The following LDAH variants were observed in gnomAD, a reference collection of about 807,000 sequenced individuals.
LDAH encodes lipid droplet associated hydrolase, also known as lipid droplet-associated hydrolase.
A neutral mutation model predicts 29.6 loss-of-function variants in LDAH; 26 were observed. The observed-to-expected ratio is 0.88, with a 90% confidence interval of 0.64 to 1.22. LDAH has a LOEUF of 1.22. LDAH is among the 50% of genes most tolerant of loss of function. The pLI is 0.00. For missense variants in LDAH, 344 were observed against 387.3 expected (o/e 0.89, Z 0.94); for synonymous variants, 117 against 133.0 (o/e 0.88, Z 0.83).
At chr2:20,797,516 T>C (rs1004526979) in intron 2 of LDAH, among the ~76,000 whole-genome samples, 1 of 152,166 alleles carries the variant, frequency 6.6e-6, no homozygotes, top group African/African-American at 2.4e-5. Context: ...TCCTCTGTTT[T>C]GCCCGAGACT....
chr2:20,795,979 AC>A (rs1219979595), intron 2 of LDAH, among the ~76,000 whole-genome samples: 32 of 150,662 alleles, frequency 2.1e-4, no homozygotes, highest in African/African-American at 7.1e-4. Flanking sequence ...ACACACACAC[AC>A]ACACAAAATA....
At position 20,698,337 on chromosome 2, in the gene LDAH, A is replaced by C. The variant is rs1399798612; in HGVS notation, c.786+3233T>G. Among the ~76,000 whole-genome samples, 1 of 152,236 alleles carries C rather than the reference A, an allele frequency of 6.6e-6. No homozygotes were observed. Among genetic ancestry groups the C allele is most frequent in the Non-Finnish European group, 1.5e-5 (1 of 68,038 alleles). On this transcript the variant is annotated intron_variant, in intron 6 of 6. Transcript: ENST00000237822. This position sits in a 1 kb window ranked among gnomAD's most constrained non-coding sequence, Gnocchi z 4.4. ...TAGGGAGTAACATCTAACCAAAACC[A>C]AGGACTGGGAAGGCCTCTTGGGGAT...
At chr2:20,709,836 G>A (rs530607425) in intron 5 of LDAH, among the ~76,000 whole-genome samples, 8 of 152,214 alleles carry the variant, frequency 5.3e-5, no homozygotes, top group African/African-American at 1.7e-4. Context: ...ATGAAGCACT[G>A]GCACATGCTA....
chr2:20,754,331 A>G (rs1457087924), intron 4 of LDAH, among the ~76,000 whole-genome samples: 4 of 151,688 alleles, frequency 2.6e-5, no homozygotes, highest in African/African-American at 9.7e-5. Context: ...TACTAAAAAA[A>G]TAAAAAAAAA....
intron 4 of LDAH, among the ~76,000 whole-genome samples, chr2:20,763,662 C>T (rs1668835916): frequency 6.6e-6 from 1 of 152,230 alleles, no homozygotes; most frequent in South Asian, 2.1e-4. Flanking sequence ...CACTTAACTT[C>T]ATTTGCCCCA....
At chr2:20,720,850 T>C (rs887030586) in intron 5 of LDAH, among the ~76,000 whole-genome samples, 8 of 152,098 alleles carry the variant, frequency 5.3e-5, no homozygotes, top group Non-Finnish European at 1.2e-4. Context: ...AGCCAACTTG[T>C]TTTCAACAAA....
chr2:20,801,516 T>C lies in LDAH; in HGVS notation c.-2-51A>G, dbSNP rs1231082329. 2.0e-6 allele frequency: 3 copies of C among 1,514,194 alleles called. No individual in the cohort carries two copies. In the East Asian group the frequency reaches 6.8e-5, roughly 34 times the overall value. The allele number at this position is 1,514,194 out of a possible 1,614,324, so 93.8% of individuals were successfully genotyped here. On this transcript the variant is annotated intron_variant, in intron 1 of 6. Transcript: ENST00000237822. ...GAAGAGTCAGTAAAATGTAAAACCT[T>C]GAGCCAAAGACAAAATTCAAGAATA...
chr2:20,764,689 A>G (rs1360880648), intron 4 of LDAH, among the ~76,000 whole-genome samples: 1 of 152,228 alleles, frequency 6.6e-6, no homozygotes, highest in Admixed American at 6.5e-5. Context: ...AGAAATCTTA[A>G]GTTTAGGCCA....
intron 4 of LDAH, among the ~76,000 whole-genome samples, chr2:20,755,374 C>G (rs936177095): frequency 6.6e-6 from 1 of 152,138 alleles, no homozygotes; most frequent in African/African-American, 2.4e-5. Context: ...TTATCTTGCT[C>G]CACTCTTTAT....
In LDAH at chr2:20,708,443, T is replaced by C. The variant is rs931779674; in HGVS notation, c.704-6791A>G. On this transcript the variant is annotated intron_variant, in intron 5 of 6. Coordinates refer to ENST00000237822, the MANE Select transcript of LDAH (RefSeq NM_021925.4). ...TAATATTTATAGAAGTACAAAAATA[T>C]CCAGCATCTGACAAGGTAAAATTCA... Among the ~76,000 whole-genome samples the C allele has an allele frequency of 2.0e-5, 3 of 152,210 alleles. 1 individual carries two copies. Among genetic ancestry groups the C allele is most frequent in the African/African-American group, 7.2e-5 (3 of 41,518 alleles).
intron 4 of LDAH, among the ~76,000 whole-genome samples, chr2:20,767,330 T>C (rs933291070): frequency 2.6e-5 from 4 of 152,114 alleles, no homozygotes; most frequent in African/African-American, 9.7e-5. Context: ...AGAGGCCTGC[T>C]CCACTCCATG....
chr2:20,812,163 A>T (rs1422925128), intron 1 of LDAH, among the ~76,000 whole-genome samples: 1 of 152,260 alleles, frequency 6.6e-6, no homozygotes, highest in Non-Finnish European at 1.5e-5. Context: ...AGGCCAGAAG[A>T]CAATGTGAGC....
chr2:20,775,046 A>G lies in LDAH; in HGVS notation c.299-67T>C, dbSNP rs764540108. On this transcript the variant is annotated intron_variant, in intron 3 of 6. Coordinates refer to ENST00000237822, the MANE Select transcript of LDAH (RefSeq NM_021925.4). ...AATCACTGAAAAAAGATCAAGAAAA[A>G]GATAACAATCATGATAAAAAGCAGT... is the stretch of plus-strand genomic sequence containing the variant. The G allele has an allele frequency of 8.6e-5, 119 of 1,382,428 alleles. 1 individual carries two copies. Among genetic ancestry groups the G allele is most frequent in the Middle Eastern group, 7.5e-4 (3 of 3,974 alleles). 85.6% of individuals were successfully genotyped at this position (1,382,428 alleles called of 1,614,324 possible). A position where few individuals can be genotyped will look rare whatever the true frequency, so the allele number is the denominator to read the frequency against.
chr2:20,727,002 C>T (rs1193052259), intron 5 of LDAH, among the ~76,000 whole-genome samples: 3 of 152,130 alleles, frequency 2.0e-5, no homozygotes, highest in Non-Finnish European at 4.4e-5. Flanking sequence ...CTAACACTGA[C>T]CGAAAAACAA....
At chr2:20,749,633 G>GAGTAC (rs1409906932) in intron 4 of LDAH, among the ~76,000 whole-genome samples, 3 of 152,212 alleles carry the variant, frequency 2.0e-5, no homozygotes, top group Non-Finnish European at 2.9e-5. Context: ...GGAAGGCAAA[G>GAGTAC]AGTACAGCTT....
In LDAH at chr2:20,685,382, A is replaced by G. The variant is rs1662484394; in HGVS notation, c.*1521T>C. The G allele has an allele frequency of 3.6e-6, 3 of 838,032 alleles. No individual in the cohort carries two copies. The South Asian group carries it at 6.4e-5, about 18-fold the overall frequency. The allele number at this position is 838,032 out of a possible 1,614,324, so 51.9% of individuals were successfully genotyped here. On this transcript the variant is annotated 3_prime_UTR_variant, in exon 7 of 7. Transcript: ENST00000237822. ...TTCTAGGCCTCTCATGCAGATGCCA[A>G]TAAAGGATCTGTGTACAGCCCTGTG...
chr2:20,701,503 G>T, intron 6 of LDAH, 67 bp downstream of exon 6: 1 of 1,274,110 alleles, frequency 7.8e-7, no homozygotes, highest in Non-Finnish European at 1.1e-6. Context: ...ACTAGTTCTA[G>T]TCCTTTGCCC....
intron 3 of LDAH, among the ~76,000 whole-genome samples, chr2:20,784,607 G>C (rs926147417): frequency 4.0e-5 from 6 of 151,204 alleles, no homozygotes; most frequent in African/African-American, 1.5e-4. Flanking sequence ...TTTTTTGGCT[G>C]GGCACAGTGG....
At chr2:20,806,600 G>A (rs1672081318) in intron 1 of LDAH, among the ~76,000 whole-genome samples, 1 of 151,576 alleles carries the variant, frequency 6.6e-6, no homozygotes, top group African/African-American at 2.4e-5. Context: ...CTTCCATTGA[G>A]AACAATTAGA....
Sources: gnomAD v4.1 joint callset for allele counts (sites outside exome capture counted in the v4.1 genomes callset) on GRCh38, gnomAD v4.1.1 for gene constraint, Gnocchi (gnomAD v3.1) non-coding constraint, MANE v1.5 for transcripts, NCBI Gene and HGNC (gene_info 2026-07-23, HGNC 2026-07-21) for gene names.